DGKI: variants seen among roughly 807,000 people sequenced by gnomAD.
DGKI encodes the protein DAG kinase iota.
DGKI carries 55 observed loss-of-function variants against 147.5 expected under a neutral mutation model. The observed-to-expected ratio is 0.37, with a 90% CI of 0.30 to 0.47. DGKI has a LOEUF of 0.47. DGKI is among the 20% of genes least tolerant of loss of function. The probability of loss-of-function intolerance (pLI) is 1.00; values close to 1 mark genes in which losing one functional copy is unlikely to be tolerated. For missense variants in DGKI, 1,007 were observed against 1,323.8 expected (o/e 0.76, Z 3.71); for synonymous variants, 469 against 477.1 (o/e 0.98, Z 0.22).
At chr7:137,479,559 T>A (rs571505245) in intron 23 of DGKI, among the ~76,000 whole-genome samples, 1 of 152,300 alleles carries the variant, frequency 6.6e-6, no homozygotes, top group Non-Finnish European at 1.5e-5. Flanking sequence ...GATGCACACA[T>A]AATTTAATGA....
intron 30 of DGKI, among the ~76,000 whole-genome samples, chr7:137,399,889 T>C (rs1811687289): frequency 6.8e-6 from 1 of 147,264 alleles, no homozygotes; most frequent in Non-Finnish European, 1.5e-5. Flanking sequence ...GGTGACAGCC[T>C]GGGTGACAGA....
At chr7:137,603,600 G>A (rs777660726) in intron 10 of DGKI, among the ~76,000 whole-genome samples, 3 of 152,154 alleles carry the variant, frequency 2.0e-5, no homozygotes, top group Non-Finnish European at 4.4e-5. Context: ...ACCAAAGATG[G>A]GAACTTCTCT....
At chr7:137,400,848 T>A (rs1175240513) in intron 30 of DGKI, among the ~76,000 whole-genome samples, 2 of 152,174 alleles carry the variant, frequency 1.3e-5, no homozygotes, top group Admixed American at 6.5e-5. Flanking sequence ...ACATAGATAA[T>A]CACAAAATAG....
At chr7:137,764,684 T>C (rs1180796384) in intron 1 of DGKI, among the ~76,000 whole-genome samples, 1 of 152,186 alleles carries the variant, frequency 6.6e-6, no homozygotes, top group African/African-American at 2.4e-5. Flanking sequence ...AGTTGGTACC[T>C]TTTGTCCTGT....
In DGKI at chr7:137,615,531, A is replaced by G. The variant is rs796789120; in HGVS notation, c.993+4293T>C. Among the ~76,000 whole-genome samples the G allele has an allele frequency of 2.3e-3, 319 of 135,864 alleles. 2 individuals carry two copies. The highest frequency in any genetic ancestry group is 1.6e-3 in the African/African-American group (61 of 38,190). The allele number at this position is 135,864 out of a possible 152,430, so 89.1% of individuals were successfully genotyped here. A position where few individuals can be genotyped will look rare whatever the true frequency, so the allele number is the denominator to read the frequency against. ...TATACATATATGTGTATATGTATGT[A>G]TGTGTGTGTGTGTGTGTGTGTGTGT... On this transcript the variant is annotated intron_variant, in intron 8 of 32. Transcript: ENST00000614521.
chr7:137,635,712 C>T (rs1038563537), intron 6 of DGKI, among the ~76,000 whole-genome samples: 6 of 152,154 alleles, frequency 3.9e-5, no homozygotes, highest in African/African-American at 1.4e-4. Context: ...AGAAAATATC[C>T]TATGAGCACC....
At chr7:137,697,722 G>T (rs1294202446) in intron 1 of DGKI, among the ~76,000 whole-genome samples, 1 of 152,080 alleles carries the variant, frequency 6.6e-6, no homozygotes, top group Non-Finnish European at 1.5e-5. Context: ...TAGTACCCAA[G>T]AGTATCAGAT....
At chr7:137,696,777 T>C (rs1363898409) in intron 1 of DGKI, among the ~76,000 whole-genome samples, 1 of 152,160 alleles carries the variant, frequency 6.6e-6, no homozygotes, top group Non-Finnish European at 1.5e-5. Context: ...AGTTCCCATG[T>C]TGAAGTCCCA....
chr7:137,750,264 T>C (rs547728316), intron 1 of DGKI, among the ~76,000 whole-genome samples: 1 of 152,214 alleles, frequency 6.6e-6, no homozygotes, highest in East Asian at 1.9e-4. Context: ...GAGTAGGTAG[T>C]GCTGAGGCCT....
chr7:137,514,399 G>A (rs1053801895), intron 21 of DGKI, among the ~76,000 whole-genome samples: 13 of 152,014 alleles, frequency 8.6e-5, no homozygotes, highest in South Asian at 2.1e-4. Context: ...CCACAATCTC[G>A]TGAGGCTACC....
chr7:137,463,677 T>G, intron 26 of DGKI, 66 bp from the exon 27 acceptor site: 1 of 1,577,390 alleles, frequency 6.3e-7, no homozygotes, highest in Non-Finnish European at 8.6e-7. Flanking sequence ...CGTTTCCACT[T>G]TCTGAAGATG....
chr7:137,460,002 C>G (rs1166982539), intron 27 of DGKI, among the ~76,000 whole-genome samples: 1 of 152,142 alleles, frequency 6.6e-6, no homozygotes, highest in Non-Finnish European at 1.5e-5. Flanking sequence ...CTCGAAAACT[C>G]TGATAAGTAG....
chr7:137,804,138 G>A (rs1457583712), intron 1 of DGKI, among the ~76,000 whole-genome samples: 2 of 152,176 alleles, frequency 1.3e-5, no homozygotes, highest in Non-Finnish European at 2.9e-5. Flanking sequence ...CATAGAGCAG[G>A]AGCTTGATGC....
intron 28 of DGKI, among the ~76,000 whole-genome samples, chr7:137,432,879 A>G (rs1009261483): frequency 6.6e-6 from 1 of 152,194 alleles, no homozygotes; most frequent in African/African-American, 2.4e-5. Context: ...TCCATATCCC[A>G]TACTCTTGTG....
chr7:137,800,598 C>CT (rs1208539525), intron 1 of DGKI, among the ~76,000 whole-genome samples: 1 of 152,176 alleles, frequency 6.6e-6, no homozygotes, highest in Admixed American at 6.5e-5. Flanking sequence ...CATTAAACAT[C>CT]TTTTTTTACA....
At chr7:137,776,296 CA>C (rs2116870374) in intron 1 of DGKI, among the ~76,000 whole-genome samples, 1 of 152,298 alleles carries the variant, frequency 6.6e-6, no homozygotes, top group South Asian at 2.1e-4. Flanking sequence ...CTGCATCAAA[CA>C]AAAGATTATA....
intron 1 of DGKI, among the ~76,000 whole-genome samples, chr7:137,778,132 G>A (rs1796413190): frequency 6.6e-6 from 1 of 152,186 alleles, no homozygotes; most frequent in Admixed American, 6.5e-5. Flanking sequence ...ATGAAAGTAT[G>A]AGTAGCCCAC....
chr7:137,498,069 G>T (rs184149006), intron 21 of DGKI, among the ~76,000 whole-genome samples: 1 of 151,900 alleles, frequency 6.6e-6, no homozygotes. Flanking sequence ...CCAAGAAATG[G>T]AAAAATTATA....
chr7:137,522,100 T>A (rs1245778265), intron 20 of DGKI, 134 bp from the exon 21 acceptor site: 1 of 618,452 alleles, frequency 1.6e-6, no homozygotes, highest in East Asian at 3.1e-5. Flanking sequence ...GAAAGGTGGG[T>A]TCCTTATCAG....
Sources: allele counts gnomAD v4.1 joint callset (sites outside exome capture counted in the v4.1 genomes callset), GRCh38; gene constraint gnomAD v4.1.1; transcripts MANE v1.5; gene names NCBI Gene and HGNC (gene_info 2026-07-23, HGNC 2026-07-21).